The following KSR2 variants were observed in gnomAD, a reference collection of about 807,000 sequenced individuals.
The protein encoded by KSR2 is kinase suppressor of ras 2.
In KSR2, 25 loss-of-function variants were observed where a neutral mutation model predicts 107.8. That is an observed-to-expected ratio of 0.23 (90% CI 0.17 to 0.32). The LOEUF (loss-of-function observed/expected upper bound fraction) is 0.32, where lower values mean the gene tolerates loss of function less well. KSR2 is among the 10% of genes least tolerant of loss of function. KSR2 has a pLI of 1.00. For missense variants in KSR2, 887 were observed against 1,268.9 expected (o/e 0.70, Z 4.57); for synonymous variants, 480 against 507.0 (o/e 0.95, Z 0.71).
rs1271847796 is a variant in KSR2, at chr12:117,464,379, G to C, written c.*2820C>G. On this transcript the variant is annotated 3_prime_UTR_variant, in exon 20 of 20. Coordinates refer to ENST00000339824, the MANE Select transcript of KSR2 (RefSeq NM_173598.6). ...GTGTACAGGGCACCTGTGTGCAGCT[G>C]TGATGGGACAAGGGCAAACACACAA... The C allele has an allele frequency of 6.6e-6, 1 of 152,256 alleles. No individual in the cohort carries two copies. The highest frequency in any genetic ancestry group is 1.5e-5 in the Non-Finnish European group (1 of 68,052). 9.4% of individuals were successfully genotyped at this position (152,256 alleles called of 1,614,324 possible).
chr12:117,529,350 C>A (rs1054578170), intron 12 of KSR2, among the ~76,000 whole-genome samples: 1 of 152,080 alleles, frequency 6.6e-6, no homozygotes, highest in East Asian at 1.9e-4. Flanking sequence ...CAAGTAGCTG[C>A]GATTACAGTT....
chr12:117,607,174 C>A (rs1236440157), intron 5 of KSR2, among the ~76,000 whole-genome samples: 2 of 152,160 alleles, frequency 1.3e-5, no homozygotes, highest in Non-Finnish European at 2.9e-5. Flanking sequence ...TGGCCCAGGA[C>A]CTGTCTGGCT....
chr12:117,513,512 G>T (rs1416684929), intron 14 of KSR2, among the ~76,000 whole-genome samples: 1 of 152,176 alleles, frequency 6.6e-6, no homozygotes, highest in Non-Finnish European at 1.5e-5. Context: ...TGCCGCTGGG[G>T]AAGGAGAGGG....
rs533485440 is a variant in KSR2 at position 117,664,413 on chromosome 12, C to T, written c.1171+3061G>A. ...CAGACTGAGCCTGGCAGGGATGCAG[C>T]CCCAGGGGCCCCCTTGGCTGGCTCA... is the stretch of plus-strand genomic sequence containing the variant. On this transcript the variant is annotated intron_variant, in intron 5 of 19. Coordinates refer to ENST00000339824, the MANE Select transcript of KSR2 (RefSeq NM_173598.6). Among the ~76,000 whole-genome samples, 37 of 152,264 alleles carry T rather than the reference C, an allele frequency of 2.4e-4. No homozygotes were observed. In the South Asian group the frequency reaches 7.5e-3, roughly 31 times the overall value.
intron 4 of KSR2, among the ~76,000 whole-genome samples, chr12:117,692,502 A>G (rs1333225447): frequency 1.6e-5 from 2 of 125,174 alleles, no homozygotes; most frequent in Non-Finnish European, 3.4e-5. Flanking sequence ...ATATATATAT[A>G]TATACACACA....
In KSR2 at chr12:117,861,514, G is replaced by A. The variant is rs542194180; in HGVS notation, c.181-1083C>T. On this transcript the variant is annotated intron_variant, in intron 1 of 19. Coordinates refer to ENST00000339824, the MANE Select transcript of KSR2 (RefSeq NM_173598.6). Reference sequence around the variant, plus strand: ...CGCCATTCTCCTGCCTCAGCCTCCCGAGTAGCTGGGACTACAGGCGCCCGC... The same window carrying A: ...CGCCATTCTCCTGCCTCAGCCTCCCAAGTAGCTGGGACTACAGGCGCCCGC... Among the ~76,000 whole-genome samples the A allele has an allele frequency of 2.2e-3, 323 of 147,726 alleles. 1 individual carries two copies. Among genetic ancestry groups the A allele is most frequent in the African/African-American group, 7.5e-3 (299 of 40,008 alleles).
chr12:117,556,830 C>A (rs1877732865), intron 8 of KSR2, among the ~76,000 whole-genome samples: 2 of 152,058 alleles, frequency 1.3e-5, no homozygotes, highest in Admixed American at 1.3e-4. Flanking sequence ...GGGAGGCAGC[C>A]AGCATGACTT....
intron 10 of KSR2, among the ~76,000 whole-genome samples, chr12:117,537,275 G>C (rs529445774): frequency 6.6e-6 from 1 of 152,218 alleles, no homozygotes; most frequent in East Asian, 1.9e-4. Flanking sequence ...CCCAAATGTT[G>C]AGTTCAGTTC....
intron 4 of KSR2, among the ~76,000 whole-genome samples, chr12:117,756,254 G>A (rs2136847531): frequency 6.6e-6 from 1 of 152,360 alleles, no homozygotes; most frequent in African/African-American, 2.4e-5. Flanking sequence ...GACTCTCAGA[G>A]CTAGAGAGAC....
chr12:117,896,273 C>A (rs963362875), intron 1 of KSR2, among the ~76,000 whole-genome samples: 8 of 152,076 alleles, frequency 5.3e-5, no homozygotes, highest in Non-Finnish European at 1.0e-4. Flanking sequence ...AAGCCAGACA[C>A]AAAAGGCCAC....
At chr12:117,837,562 T>C (rs1892275289) in intron 3 of KSR2, among the ~76,000 whole-genome samples, 1 of 151,922 alleles carries the variant, frequency 6.6e-6, no homozygotes, top group East Asian at 1.9e-4. Flanking sequence ...GAGCCTAGGA[T>C]TGAAAGCAAC....
intron 3 of KSR2, among the ~76,000 whole-genome samples, chr12:117,823,568 A>G (rs1001138038): frequency 3.9e-5 from 6 of 152,204 alleles, no homozygotes; most frequent in Middle Eastern, 3.2e-3. Flanking sequence ...TGCAGGGAAA[A>G]GAGGAGCAGT....
chr12:117,820,236 C>T (rs1891517697), intron 3 of KSR2, among the ~76,000 whole-genome samples: 3 of 152,224 alleles, frequency 2.0e-5, no homozygotes, highest in Non-Finnish European at 4.4e-5. Context: ...ACCTTGGACC[C>T]CCTGAAGATT....
chr12:117,871,326 C>T (rs1344418156), intron 1 of KSR2, among the ~76,000 whole-genome samples: 1 of 152,134 alleles, frequency 6.6e-6, no homozygotes, highest in African/African-American at 2.4e-5. Flanking sequence ...CGGTGGCTCA[C>T]ACCTGTAGTC....
At chr12:117,649,470 C>G (rs1226836946) in intron 5 of KSR2, among the ~76,000 whole-genome samples, 1 of 152,214 alleles carries the variant, frequency 6.6e-6, no homozygotes, top group Non-Finnish European at 1.5e-5. Context: ...AATCACAACA[C>G]TTAGGTACTG....
At chr12:117,651,893 C>G (rs1017298794) in intron 5 of KSR2, among the ~76,000 whole-genome samples, 1 of 152,166 alleles carries the variant, frequency 6.6e-6, no homozygotes, top group Non-Finnish European at 1.5e-5. Context: ...ACCACAGTCA[C>G]TCAACTACAA....
chr12:117,598,534 T>C (rs982941370), intron 5 of KSR2, among the ~76,000 whole-genome samples: 2 of 152,212 alleles, frequency 1.3e-5, no homozygotes, highest in Non-Finnish European at 2.9e-5. Flanking sequence ...CTTTAAGGAA[T>C]CTCCTTACTG....
intron 1 of KSR2, among the ~76,000 whole-genome samples, chr12:117,964,256 A>G (rs1896734373): frequency 6.6e-6 from 1 of 152,192 alleles, no homozygotes; most frequent in Non-Finnish European, 1.5e-5. Flanking sequence ...GGGTGACAAG[A>G]GCGAGACTCC....
At chr12:117,570,052 G>C (rs577336100) in intron 7 of KSR2, among the ~76,000 whole-genome samples, 1 of 151,776 alleles carries the variant, frequency 6.6e-6, no homozygotes, top group African/African-American at 2.4e-5. Context: ...GCCCAGGCTG[G>C]AGTGCAGTGG....
Sources: gnomAD v4.1 joint callset for allele counts (sites outside exome capture counted in the v4.1 genomes callset) on GRCh38, gnomAD v4.1.1 for gene constraint, MANE v1.5 for transcripts, NCBI Gene and HGNC (gene_info 2026-07-23, HGNC 2026-07-21) for gene names.